Variants in LRP1B observed in about 807,000 individuals in gnomAD.
The protein encoded by LRP1B is low-density lipoprotein receptor-related protein 1B.
A neutral mutation model predicts 556.6 loss-of-function variants in LRP1B; 217 were observed. The observed-to-expected ratio is 0.39, with a 90% confidence interval of 0.35 to 0.44. The LOEUF (loss-of-function observed/expected upper bound fraction) is 0.44. Among genes scored for constraint, LRP1B ranks in the 20% least tolerant of loss-of-function variants. LRP1B has a pLI of 1.00. For synonymous variants in LRP1B, 2,047 were observed against 1,865.8 expected (o/e 1.10, Z -2.50); for missense variants, 5,053 against 5,620.8 (o/e 0.90, Z 3.23).
At chr2:141,720,349 C>A (rs1335563146) in intron 2 of LRP1B, among the ~76,000 whole-genome samples, 1 of 152,062 alleles carries the variant, frequency 6.6e-6, no homozygotes, top group Non-Finnish European at 1.5e-5. Context: ...TAACATATGT[C>A]ACTGAGTAGA....
At chr2:140,532,828 C>A (rs1166347088) in intron 47 of LRP1B, among the ~76,000 whole-genome samples, 2 of 151,100 alleles carry the variant, frequency 1.3e-5, no homozygotes, top group African/African-American at 4.9e-5. Flanking sequence ...GTTTAAGACT[C>A]AGTTTAAATT....
At chr2:140,446,446 C>T (rs1686662888) in intron 63 of LRP1B, among the ~76,000 whole-genome samples, 1 of 152,070 alleles carries the variant, frequency 6.6e-6, no homozygotes, top group South Asian at 2.1e-4. Flanking sequence ...GTATGGGACC[C>T]TGGGATGAGG....
chr2:140,678,778 T>A (rs1174303458), intron 41 of LRP1B, among the ~76,000 whole-genome samples: 1 of 151,364 alleles, frequency 6.6e-6, no homozygotes, highest in East Asian at 1.9e-4. Context: ...CCCTTTTTTT[T>A]TTTTTTTTGG....
At chr2:142,034,944 G>C (rs987889369) in intron 1 of LRP1B, among the ~76,000 whole-genome samples, 2 of 151,536 alleles carry the variant, frequency 1.3e-5, no homozygotes, top group African/African-American at 2.4e-5. Context: ...TGTATTGGTG[G>C]AATTAATATG....
chr2:141,855,996 T>C (rs746884176), intron 1 of LRP1B, among the ~76,000 whole-genome samples: 1 of 152,112 alleles, frequency 6.6e-6, no homozygotes, highest in Non-Finnish European at 1.5e-5. Context: ...GCATGAAATA[T>C]CCAGTTGTCT....
At chr2:141,178,576 G>A (rs1680843630) in intron 7 of LRP1B, among the ~76,000 whole-genome samples, 1 of 152,070 alleles carries the variant, frequency 6.6e-6, no homozygotes, top group African/African-American at 2.4e-5. Context: ...CTATGTATGA[G>A]GGAAAAGATA....
At chr2:141,206,009 G>T (rs1358675492) in intron 6 of LRP1B, among the ~76,000 whole-genome samples, 2 of 152,036 alleles carry the variant, frequency 1.3e-5, no homozygotes, top group African/African-American at 4.8e-5. Context: ...GCCTAATGAG[G>T]CACCTTGGAG....
chr2:141,451,636 A>C (rs7571303), intron 3 of LRP1B, among the ~76,000 whole-genome samples: 45 of 152,292 alleles, frequency 3.0e-4, no homozygotes, highest in African/African-American at 9.9e-4. Context: ...TATAAAAAAA[A>C]CTGGCCACAA....
In LRP1B at chr2:140,541,969, C is replaced by A. The variant is rs773131498; in HGVS notation, c.7197G>T (p.Val2399=). 5.0e-6 allele frequency: 8 copies of A among 1,594,226 alleles called. No individual in the cohort carries two copies. The highest frequency in any genetic ancestry group is 1.3e-5 in the African/African-American group (1 of 74,564). Residue 2399 remains valine (V), a splice_region_variant and synonymous_variant, in exon 44 of 91, where the codon GTG becomes GTT. Transcript: ENST00000389484. ...RCEYDGSQRH[V]IVKSGPGTFL... is the part of the protein sequence containing the mutation. ...AAGTCCCTGGCCCAGATTTAACTAT[C>A]ACCTGAAATAAATTAAAATACTGTA...
intron 41 of LRP1B, among the ~76,000 whole-genome samples, chr2:140,632,364 G>A (rs976950426): frequency 2.6e-5 from 4 of 152,142 alleles, no homozygotes; most frequent in Non-Finnish European, 4.4e-5. Flanking sequence ...TTTAAGGGAT[G>A]TGAAGAAGAA....
Position 140,356,461 on chromosome 2 carries a change from G to T in LRP1B, c.11411C>A (p.Thr3804Asn), listed in dbSNP as rs752689560. The change falls in exon 75 of 91, where the codon ACC (threonine) becomes AAC (asparagine). Residue 3804 changes from threonine to asparagine, a missense_variant. Physicochemically the swap from Thr to Asn is moderately conservative, Grantham distance 65 (BLOSUM62 0). Around this residue, in one of 5 missense-constraint regions of LRP1B, gnomAD observed 599 missense variants for 648.4 expected, o/e 0.92. Coordinates refer to ENST00000389484, the MANE Select transcript of LRP1B (RefSeq NM_018557.3). Reference sequence around the variant, plus strand: ...ACATGGATTCACATTATCTTCACAGGTATATTCAGTAGGAGCTGGGATTTA... The same window carrying T: ...ACATGGATTCACATTATCTTCACAGTTATATTCAGTAGGAGCTGGGATTTA... The part of the protein sequence containing the change: ...QGCRIAPTEY[T>N]CEDNVNPCGD... 1 of 1,602,612 alleles carries T rather than the reference G, an allele frequency of 6.2e-7. No homozygotes were observed. The highest frequency in any genetic ancestry group is 2.2e-5 in the East Asian group (1 of 44,542).
Position 141,754,340 on chromosome 2 carries a change from T to G in LRP1B, c.205+55939A>C, listed in dbSNP as rs1464602236. 5.3e-5 allele frequency among the ~76,000 whole-genome samples: 8 copies of G among 152,288 alleles called. No homozygotes were observed. In the East Asian group the frequency reaches 1.5e-3, roughly 29 times the overall value. ...TTTTCCAGGTGAGCAAGTTACTCAC[T>G]TTAAGTAATTTTAAAAATATTACAG... is the stretch of plus-strand genomic sequence containing the variant. On this transcript the variant is annotated intron_variant, in intron 2 of 90. Transcript: ENST00000389484.
At position 140,550,102 on chromosome 2, in the gene LRP1B, AGTC is replaced by A. The variant is rs1429847408; in HGVS notation, c.7195-8134_7195-8132del. 2.0e-5 allele frequency among the ~76,000 whole-genome samples: 3 copies of A among 151,668 alleles called. No homozygotes were observed. In the East Asian group the frequency reaches 5.8e-4, roughly 29 times the overall value. The stretch of plus-strand genomic sequence containing the variant: ...ACTCCTGCTTATGAGTAAGAACGTG[AGTC>A]GTTGTGAGTTTTGAGGCCTTTGCAC... On this transcript the variant is annotated intron_variant, in intron 43 of 90. Coordinates refer to ENST00000389484, the MANE Select transcript of LRP1B (RefSeq NM_018557.3).
chr2:140,534,452 A>G (rs1005893850), intron 46 of LRP1B, among the ~76,000 whole-genome samples: 7 of 152,156 alleles, frequency 4.6e-5, no homozygotes, highest in African/African-American at 1.7e-4. Context: ...CACATATTCA[A>G]TTCTGAAGCA....
chr2:140,700,018 C>T (rs1161219773), intron 41 of LRP1B, among the ~76,000 whole-genome samples: 1 of 140,138 alleles, frequency 7.1e-6, no homozygotes, highest in African/African-American at 2.6e-5. Context: ...CATATTAAAC[C>T]TTCCATGATT....
intron 32 of LRP1B, among the ~76,000 whole-genome samples, chr2:140,801,766 T>C (rs1177334771): frequency 6.6e-6 from 1 of 152,124 alleles, no homozygotes; most frequent in Non-Finnish European, 1.5e-5. Context: ...TATTTCAGCC[T>C]TTGAAAGTGG....
At chr2:140,303,734 G>A (rs1683942207) in intron 83 of LRP1B, among the ~76,000 whole-genome samples, 2 of 151,954 alleles carry the variant, frequency 1.3e-5, no homozygotes, top group African/African-American at 2.4e-5. Flanking sequence ...AGGTATACAT[G>A]TGCCATGTTG....
chr2:140,649,209 T>A (rs563386240), intron 41 of LRP1B, among the ~76,000 whole-genome samples: 1 of 152,268 alleles, frequency 6.6e-6, no homozygotes, highest in East Asian at 1.9e-4. Flanking sequence ...CTGGTAGTGA[T>A]TTCCTACCTA....
rs550726243 is a variant in LRP1B at position 140,606,072 on chromosome 2, G to C, written c.6800-4433C>G. 2.0e-5 allele frequency among the ~76,000 whole-genome samples: 3 copies of C among 152,050 alleles called. No individual in the cohort carries two copies. The East Asian group carries it at 5.8e-4, about 29-fold the overall frequency. ...GAGAGAAGGAAATAAATGGTATCCA[G>C]ATTGGAAAGAAAGAAGTAACACTAT... On this transcript the variant is annotated intron_variant, in intron 41 of 90. Coordinates refer to ENST00000389484, the MANE Select transcript of LRP1B (RefSeq NM_018557.3).
Sources: gnomAD v4.1 joint callset for allele counts (sites outside exome capture counted in the v4.1 genomes callset) on GRCh38, gnomAD v4.1.1 for gene constraint, gnomAD v4.1.1 regional missense constraint, MANE v1.5 for transcripts, NCBI Gene and HGNC (gene_info 2026-07-23, HGNC 2026-07-21) for gene names.